The following ZKSCAN5 variants were observed in gnomAD, a reference collection of about 807,000 sequenced individuals.
ZKSCAN5 encodes the protein zinc finger protein with KRAB and SCAN domains 5.
In ZKSCAN5, 28 loss-of-function variants were observed where a neutral mutation model predicts 60.0. The ratio of observed to expected loss-of-function variants is 0.47; its 90% CI spans 0.35 to 0.64. ZKSCAN5 has a LOEUF of 0.64. Among genes scored for constraint, ZKSCAN5 ranks in the 30% least tolerant of loss-of-function variants. The pLI is 0.01. For synonymous variants in ZKSCAN5, 361 were observed against 371.2 expected, an observed-to-expected ratio of 0.97 and a Z score of 0.31; for missense variants, 881 against 1,034.6, an observed-to-expected ratio of 0.85 and a Z score of 2.04.
intron 3 of ZKSCAN5, among the ~76,000 whole-genome samples, chr7:99,516,348 G>A (rs1246484530): frequency 2.0e-5 from 3 of 152,130 alleles, no homozygotes; most frequent in Admixed American, 6.6e-5. Flanking sequence ...GACATAGACT[G>A]TATTCACCAT....
chr7:99,522,075 A>T (rs1373768364), intron 5 of ZKSCAN5, among the ~76,000 whole-genome samples: 2 of 152,134 alleles, frequency 1.3e-5, no homozygotes, highest in African/African-American at 4.8e-5. Context: ...CTATCTCTTC[A>T]TTATAACATC....
At chr7:99,511,424 T>C (rs1034452434) in intron 2 of ZKSCAN5, among the ~76,000 whole-genome samples, 1 of 152,136 alleles carries the variant, frequency 6.6e-6, no homozygotes, top group African/African-American at 2.4e-5. Context: ...TCTTTCTGCC[T>C]GAGAATTTTG....
intron 3 of ZKSCAN5, 48 bp downstream of exon 3, chr7:99,512,639 C>T (rs1801089988): frequency 6.3e-7 from 1 of 1,588,506 alleles, no homozygotes; most frequent in Non-Finnish European, 8.6e-7. Context: ...AGAGTGGGTG[C>T]CTTGGCCATG....
intron 1 of ZKSCAN5, 64 bp from the exon 2 acceptor site, chr7:99,505,941 A>T: frequency 3.0e-5 from 40 of 1,352,160 alleles, no homozygotes; most frequent in Non-Finnish European, 4.1e-5. Flanking sequence ...ATACATCAGT[A>T]GGTTGCATGC....
At chr7:99,505,218 A>T in intron 1 of ZKSCAN5, 2 of 150,194 alleles carry the variant, frequency 1.3e-5, no homozygotes, top group African/African-American at 5.0e-5. Context: ...GGGGGGTGGG[A>T]TCTAACGGTT....
Position 99,531,749 on chromosome 7 carries a change from G to C in ZKSCAN5, c.2020G>C (p.Val674Leu), listed in dbSNP as rs1423907331. Reference protein sequence around the residue: ...RECGEIFFQYVSLIEHQVLHM... With the variant: ...RECGEIFFQYLSLIEHQVLHM... The stretch of plus-strand genomic sequence containing the variant: ...ATGTGGGGAAATCTTTTTTCAGTAC[G>C]TTAGCCTAATTGAACATCAGGTGCT... Residue 674 changes from valine to leucine, a missense_variant, in exon 7 of 7, where the codon GTT becomes CTT. By Grantham distance (32) the Val-to-Leu change is conservative. This residue lies in a region of ZKSCAN5 where 112 missense variants were observed against 182.4 expected (regional missense o/e 0.61). Transcript: ENST00000326775. 1 of 1,613,982 alleles carries C rather than the reference G, an allele frequency of 6.2e-7. No homozygotes were observed. The highest frequency in any genetic ancestry group is 8.5e-7 in the Non-Finnish European group (1 of 1,180,024).
intron 5 of ZKSCAN5, among the ~76,000 whole-genome samples, chr7:99,525,252 A>G (rs948344064): frequency 6.6e-6 from 1 of 151,896 alleles, no homozygotes; most frequent in Non-Finnish European, 1.5e-5. Context: ...TGGGAGGATC[A>G]CTTGAGCTCA....
chr7:99,513,081 G>A (rs372999693), intron 3 of ZKSCAN5, among the ~76,000 whole-genome samples: 2 of 147,730 alleles, frequency 1.4e-5, no homozygotes, highest in East Asian at 4.0e-4. Flanking sequence ...TGCGGTGTTT[G>A]GTTTTTTGTT....
chr7:99,505,027 C>T (rs1428268656), intron 1 of ZKSCAN5: 1 of 152,208 alleles, frequency 6.6e-6, no homozygotes, highest in Non-Finnish European at 1.5e-5. Context: ...AGAGTGGCTC[C>T]GTTTGCCTCC....
Position 99,533,264 on chromosome 7 carries a change from G to T in ZKSCAN5, c.*1015G>T, listed in dbSNP as rs551215736. ...AAAGTAATCAGTCGTGAGCAGGCAGGCAGGAGGTCCTGTTAGCCCTGCCTT... is the reference window on the plus strand; with the variant it reads ...AAAGTAATCAGTCGTGAGCAGGCAGTCAGGAGGTCCTGTTAGCCCTGCCTT... On this transcript the variant is annotated 3_prime_UTR_variant, in exon 7 of 7. Coordinates refer to ENST00000326775, the MANE Select transcript of ZKSCAN5 (RefSeq NM_145102.4). 3.9e-4 allele frequency: 271 copies of T among 689,672 alleles called. 2 individuals are homozygous for T. The highest frequency in any genetic ancestry group is 6.8e-4 in the East Asian group (25 of 36,714). The allele number at this position is 689,672 out of a possible 1,614,324, so 42.7% of individuals were successfully genotyped here.
Position 99,526,377 on chromosome 7 carries a change from T to A in ZKSCAN5, c.1337T>A (p.Ile446Asn). 6.2e-7 allele frequency: 1 copy of A among 1,602,582 alleles called. No homozygotes were observed. Among genetic ancestry groups the A allele is most frequent in the Non-Finnish European group, 8.5e-7 (1 of 1,179,934 alleles). The change falls in exon 6 of 7, where the codon ATC becomes AAC. Residue 446 changes from isoleucine to asparagine, a missense_variant. By Grantham distance (149) the Ile-to-Asn change is moderately radical (BLOSUM62 -3). Transcript: ENST00000326775. Reference sequence around the variant, plus strand: ...AACTTCGGTCGCCATTCGCATCTGATCGAACACCTAAAACGCCACTTCAGG... The same window carrying A: ...AACTTCGGTCGCCATTCGCATCTGAACGAACACCTAAAACGCCACTTCAGG... ...GKNFGRHSHL[I>N]EHLKRHFREK...
At chr7:99,517,795 T>C (rs1296061419) in intron 3 of ZKSCAN5, among the ~76,000 whole-genome samples, 1 of 150,572 alleles carries the variant, frequency 6.6e-6, no homozygotes, top group South Asian at 2.1e-4. Context: ...TGCAGTGAGC[T>C]GAGATTGCAC....
rs781510042 is a variant in ZKSCAN5 at position 99,512,528 on chromosome 7, C to T, written c.490C>T (p.Pro164Ser). ...GAVQESCSPHPLTVDTQPEQA... is the reference protein window; with the variant it reads ...GAVQESCSPHSLTVDTQPEQA... Reference sequence around the variant, plus strand: ...AGTGCAGGAGTCCTGCAGCCCCCATCCCCTGACCGTGGACACCCAGCCTGA... The same window carrying T: ...AGTGCAGGAGTCCTGCAGCCCCCATTCCCTGACCGTGGACACCCAGCCTGA... The change falls in exon 3 of 7, where the codon CCC becomes TCC. Residue 164 changes from proline to serine, a missense_variant. Physicochemically the swap from Pro to Ser is moderately conservative, Grantham distance 74 (BLOSUM62 -1). This residue lies in a region of ZKSCAN5 where 490 missense variants were observed against 554.5 expected (regional missense o/e 0.88). Transcript: ENST00000326775. The T allele has an allele frequency of 1.9e-6, 3 of 1,614,170 alleles. No individual in the cohort carries two copies. The East Asian group carries it at 6.7e-5, about 36-fold the overall frequency.
intron 2 of ZKSCAN5, among the ~76,000 whole-genome samples, chr7:99,506,849 A>AT (rs34098119): frequency 0.031 from 3,866 of 125,850 alleles, 104 homozygotes; most frequent in African/African-American, 0.055. Flanking sequence ...GGCCCGGCTA[A>AT]TTTTTTTTTT....
chr7:99,527,048 T>A (rs945182154), intron 6 of ZKSCAN5, among the ~76,000 whole-genome samples: 3 of 152,186 alleles, frequency 2.0e-5, no homozygotes, highest in Admixed American at 1.3e-4. Context: ...AACAATAGCC[T>A]GGGTACAGTG....
intron 3 of ZKSCAN5, among the ~76,000 whole-genome samples, chr7:99,515,449 C>A (rs886352283): frequency 6.6e-6 from 1 of 151,880 alleles, no homozygotes; most frequent in Admixed American, 6.6e-5. Flanking sequence ...ATGGAAACCA[C>A]TAGGATTGTG....
At position 99,534,506 on chromosome 7, in the gene ZKSCAN5, G is replaced by C. The variant is rs780373964; in HGVS notation, c.*2257G>C. 1 of 152,018 alleles carries C rather than the reference G, an allele frequency of 6.6e-6. No individual in the cohort carries two copies. Among genetic ancestry groups the C allele is most frequent in the Non-Finnish European group, 1.5e-5 (1 of 68,106 alleles). The allele number at this position is 152,018 out of a possible 1,614,324, so 9.4% of individuals were successfully genotyped here. ...CTGGCCAACCAACATGGTGAAACCC[G>C]GTCTCTACTTAAAATACAAAAATTA... On this transcript the variant is annotated 3_prime_UTR_variant, in exon 7 of 7. Transcript: ENST00000326775.
chr7:99,533,669 A>G lies in ZKSCAN5; in HGVS notation c.*1420A>G, dbSNP rs545619498. The G allele has an allele frequency of 2.5e-6, 1 of 402,012 alleles. No homozygotes were observed. The highest frequency in any genetic ancestry group is 1.2e-4 in the South Asian group (1 of 8,054). The allele number at this position is 402,012 out of a possible 1,614,324, so 24.9% of individuals were successfully genotyped here. On this transcript the variant is annotated 3_prime_UTR_variant, in exon 7 of 7. Transcript: ENST00000326775. ...CCTGGTTCATTTGATTAAAGCGGAG[A>G]AAACTCCAGGGTGCTATGACTGCTC...
At chr7:99,531,080 A>G in intron 6 of ZKSCAN5, 28 bp from the exon 7 acceptor site, 1 of 1,550,092 alleles carries the variant, frequency 6.5e-7, no homozygotes, top group South Asian at 1.3e-5. Context: ...AACTGATGAC[A>G]TTTTCACTTG....
Sources: allele counts gnomAD v4.1 joint callset (sites outside exome capture counted in the v4.1 genomes callset), GRCh38; gene constraint gnomAD v4.1.1; regional missense constraint gnomAD v4.1.1; transcripts MANE v1.5; gene names NCBI Gene and HGNC (gene_info 2026-07-23, HGNC 2026-07-21).